The following PPP2R3B variants were observed in gnomAD, a reference collection of about 807,000 sequenced individuals.
PPP2R3B encodes protein phosphatase 2 regulatory subunit B''beta.
A neutral mutation model predicts 72.9 loss-of-function variants in PPP2R3B; 68 were observed. That is an observed-to-expected ratio of 0.93 (90% CI 0.77 to 1.14). The LOEUF is 1.14. Ranked by LOEUF, PPP2R3B falls within the 50% of genes most tolerant of loss-of-function variation. The pLI is 0.00. For synonymous variants in PPP2R3B, 466 were observed against 375.8 expected (o/e 1.24, Z -2.78); for missense variants, 1,018 against 842.0 (o/e 1.21, Z -2.59).
At chrX:348,983 A>G (rs2071276876) in intron 2 of PPP2R3B, among the ~76,000 whole-genome samples, 1 of 152,180 alleles carries the variant, frequency 6.6e-6, no homozygotes, top group South Asian at 2.1e-4. Context: ...AGAGGCAGAA[A>G]TCCCACACAG....
chrX:385,493 C>T (rs1199841811), intron 1 of PPP2R3B, among the ~76,000 whole-genome samples: 1 of 151,854 alleles, frequency 6.6e-6, no homozygotes, highest in East Asian at 1.9e-4. Context: ...TGTATAATCA[C>T]CTTCTATGAA....
At position 346,700 on chromosome X, in the gene PPP2R3B, C is replaced by A; in HGVS notation, c.792+1G>T. 2.5e-6 allele frequency: 4 copies of A among 1,607,522 alleles called. No homozygotes were observed. The highest frequency in any genetic ancestry group is 3.4e-6 in the Non-Finnish European group (4 of 1,176,988). On this transcript the variant is annotated splice_donor_variant, in intron 5 of 12. Transcript: ENST00000390665. LOFTEE classifies it high-confidence loss of function. ...CGACGGCCCCTCCGCTGGGGACCCA[C>A]CGTGGTGATGTAGCGCGAGTGGAAC...
Position 381,830 on chromosome X carries a change from C to A in PPP2R3B, c.324+4538G>T, listed in dbSNP as rs1486946618. On this transcript the variant is annotated intron_variant, in intron 1 of 12. Coordinates refer to ENST00000390665, the MANE Select transcript of PPP2R3B (RefSeq NM_013239.5). ...AGCCAAGATGGTCTCTATCTCCTGA[C>A]CTTGTGATCCGCCCGCCTCGGCCTC... 5.3e-5 allele frequency among the ~76,000 whole-genome samples: 8 copies of A among 152,002 alleles called. No individual in the cohort carries two copies. The East Asian group carries it at 1.6e-3, about 30-fold the overall frequency.
chrX:365,576 C>CGG lies in PPP2R3B; in HGVS notation c.325-3987_325-3986insCC, dbSNP rs1569407309. Among the ~76,000 whole-genome samples, 9 of 5,146 alleles carry CGG rather than the reference C, an allele frequency of 1.7e-3. 1 individual carries two copies. The highest frequency in any genetic ancestry group is 0.011 in the African/African-American group (8 of 752). 3.4% of individuals were successfully genotyped at this position (5,146 alleles called of 152,430 possible). On this transcript the variant is annotated intron_variant, in intron 1 of 12. Transcript: ENST00000390665. ...ACAAACGATTAACCAGGTGTGGTGG[C>CGG]GCATGCCTGTAATCCCAGCTACTCG...
At chrX:379,049 GTGTGTTTGTGTGTATGCACC>G (rs369679035) in intron 1 of PPP2R3B, among the ~76,000 whole-genome samples, 1,993 of 149,488 alleles carry the variant, frequency 0.013, 44 homozygotes, top group African/African-American at 0.046. Flanking sequence ...GTATGCACCT[GTGTGTTTGTGTGTATGCACC>G]TGTGTGTGTG....
chrX:348,185 G>A (rs2071262936), intron 2 of PPP2R3B, among the ~76,000 whole-genome samples: 1 of 152,026 alleles, frequency 6.6e-6, no homozygotes, highest in South Asian at 2.1e-4. Flanking sequence ...CTACCCCAAA[G>A]GAACAAATAC....
rs2070817110 is a variant in PPP2R3B at position 334,089 on chromosome X, C to G, written c.*278G>C. The G allele has an allele frequency of 5.7e-6, 2 of 349,010 alleles. No homozygotes were observed. The highest frequency in any genetic ancestry group is 4.3e-5 in the African/African-American group (2 of 46,574). 21.6% of individuals were successfully genotyped at this position (349,010 alleles called of 1,614,324 possible). On this transcript the variant is annotated 3_prime_UTR_variant, in exon 13 of 13. Coordinates refer to ENST00000390665, the MANE Select transcript of PPP2R3B (RefSeq NM_013239.5). ...ACGGACCCTTTCCACAGACGCAGGC[C>G]CCGGAACCCAGGCTGGGTCGGGAAC...
In PPP2R3B at chrX:341,398, T is replaced by G. The variant is rs1250409327; in HGVS notation, c.1086-2A>C. ...CCTTCCTTCTGCACTTTTCTGCCTC[T>G]AGATCGAAAGCCAGGATGGAGAGAC... On this transcript the variant is annotated splice_acceptor_variant, in intron 8 of 12. Transcript: ENST00000390665. LOFTEE classifies it high-confidence loss of function. The G allele has an allele frequency of 6.2e-7, 1 of 1,612,542 alleles. No individual in the cohort carries two copies.
Position 341,910 on chromosome X carries a change from T to C in PPP2R3B, c.1058A>G (p.Asp353Gly), listed in dbSNP as rs896000154. The C allele has an allele frequency of 2.5e-6, 4 of 1,612,614 alleles. No homozygotes were observed. Among genetic ancestry groups the C allele is most frequent in the African/African-American group, 2.7e-5 (2 of 75,044 alleles). ...NDHALSTKMI[D>G]RIFSGAVTRG... ...TGTGACTGCTCCTGAGAAGATCCTGTCTATCATCTTGGTAGAAAGGGCTGG... is the reference window on the plus strand; with the variant it reads ...TGTGACTGCTCCTGAGAAGATCCTGCCTATCATCTTGGTAGAAAGGGCTGG... The change falls in exon 8 of 13, where the codon GAC (aspartate) becomes GGC (glycine). Residue 353 changes from aspartate to glycine, a missense_variant. By Grantham distance (94) the Asp-to-Gly change is moderately conservative (BLOSUM62 -1). Transcript: ENST00000390665.
At chrX:336,817 G>A (rs2070901880) in intron 12 of PPP2R3B, 2 of 152,194 alleles carry the variant, frequency 1.3e-5, no homozygotes, top group African/African-American at 4.8e-5. Flanking sequence ...TTCGCATCAA[G>A]CGTACACGGA....
intron 2 of PPP2R3B, among the ~76,000 whole-genome samples, chrX:360,407 G>A (rs1378325873): frequency 6.6e-6 from 1 of 152,188 alleles, no homozygotes; most frequent in African/African-American, 2.4e-5. Flanking sequence ...GGTGGTGCAT[G>A]CCTATAGTCC....
rs1371186551 is a variant in PPP2R3B at position 361,568 on chromosome X, G to A, written c.347C>T (p.Pro116Leu). Residue 116 changes from proline to leucine, a missense_variant, in exon 2 of 13, where the codon CCT becomes CTT. By Grantham distance (98) the Pro-to-Leu change is moderately conservative. Coordinates refer to ENST00000390665, the MANE Select transcript of PPP2R3B (RefSeq NM_013239.5). ...TRVVQTRKEE[P>L]LPPATSQSIP... ...GCTTTGGCTCGTGGCCGGGGGCAGAGGCTCTTCTTTCCGTGTCTGAACCTG... is the reference window on the plus strand; with the variant it reads ...GCTTTGGCTCGTGGCCGGGGGCAGAAGCTCTTCTTTCCGTGTCTGAACCTG... 1.9e-6 allele frequency: 3 copies of A among 1,613,866 alleles called. No homozygotes were observed. Among genetic ancestry groups the A allele is most frequent in the Admixed American group, 1.7e-5 (1 of 60,000 alleles).
chrX:346,464 C>T, intron 5 of PPP2R3B: 2 of 634,448 alleles, frequency 3.2e-6, no homozygotes, highest in Non-Finnish European at 2.7e-6. Flanking sequence ...CGGGGACGCC[C>T]CGGAGCTACA....
At position 338,901 on chromosome X, in the gene PPP2R3B, G is replaced by C. The variant is rs767490788; in HGVS notation, c.1352-5C>G. 1.2e-6 allele frequency: 2 copies of C among 1,610,492 alleles called. No homozygotes were observed. The highest frequency in any genetic ancestry group is 1.1e-5 in the South Asian group (1 of 91,028). On this transcript the variant is annotated splice_polypyrimidine_tract_variant and splice_region_variant and intron_variant, in intron 10 of 12. Coordinates refer to ENST00000390665, the MANE Select transcript of PPP2R3B (RefSeq NM_013239.5). Reference sequence around the variant, plus strand: ...GGTCCTGCAGCGTGATCTTCCCTGCGGGGAGGGGAGTGCGTCCAAGGCGCG... The same window carrying C: ...GGTCCTGCAGCGTGATCTTCCCTGCCGGGAGGGGAGTGCGTCCAAGGCGCG...
At chrX:348,397 G>C (rs1363754092) in intron 2 of PPP2R3B, among the ~76,000 whole-genome samples, 1 of 152,022 alleles carries the variant, frequency 6.6e-6, no homozygotes, top group Non-Finnish European at 1.5e-5. Flanking sequence ...CCAACATGGT[G>C]AAACCTCGTC....
At chrX:370,533 G>A (rs1449724027) in intron 1 of PPP2R3B, among the ~76,000 whole-genome samples, 3 of 152,296 alleles carry the variant, frequency 2.0e-5, no homozygotes, top group Admixed American at 2.0e-4. Context: ...GGGAGGATCC[G>A]GCACCCTCCC....
In PPP2R3B at chrX:346,780, G is replaced by A. The variant is rs745405281; in HGVS notation, c.718-5C>T. On this transcript the variant is annotated splice_region_variant and splice_polypyrimidine_tract_variant and intron_variant, in intron 4 of 12. Transcript: ENST00000390665. ...CGGGTGCGTGTTCACCACGTCCTGCGGGTGGGAAGACACGAGGCGCGTGGT... is the reference window on the plus strand; with the variant it reads ...CGGGTGCGTGTTCACCACGTCCTGCAGGTGGGAAGACACGAGGCGCGTGGT... The A allele has an allele frequency of 2.5e-6, 4 of 1,608,246 alleles. No homozygotes were observed. Among genetic ancestry groups the A allele is most frequent in the Admixed American group, 1.7e-5 (1 of 59,788 alleles).
chrX:384,849 G>T (rs1455035070), intron 1 of PPP2R3B, among the ~76,000 whole-genome samples: 1 of 151,910 alleles, frequency 6.6e-6, no homozygotes, highest in African/African-American at 2.4e-5. Context: ...GCCGGGGGTG[G>T]TGGTGTGCGC....
chrX:362,554 C>G lies in PPP2R3B; in HGVS notation c.325-964G>C, dbSNP rs1336142691. ...ACTACTCAGGGGACAGGGCTGTGTC[C>G]TCCTTGACCAACTACCTAGGGAATG... On this transcript the variant is annotated intron_variant, in intron 1 of 12. Transcript: ENST00000390665. Among the ~76,000 whole-genome samples the G allele has an allele frequency of 7.3e-5, 11 of 151,714 alleles. 1 individual carries two copies. Among genetic ancestry groups the G allele is most frequent in the Admixed American group, 5.2e-4 (8 of 15,246 alleles).
Sources: gnomAD v4.1 joint callset for allele counts (sites outside exome capture counted in the v4.1 genomes callset) on GRCh38, gnomAD v4.1.1 for gene constraint, MANE v1.5 for transcripts, NCBI Gene and HGNC (gene_info 2026-07-23, HGNC 2026-07-21) for gene names.